DENND1B: variants seen among roughly 807,000 people sequenced by gnomAD.
DENND1B encodes DENN domain-containing protein 1B.
DENND1B carries 59 observed loss-of-function variants against 90.1 expected under a neutral mutation model. That is an observed-to-expected ratio of 0.65 (90% CI 0.53 to 0.81). DENND1B has a LOEUF of 0.81. Ranked by LOEUF, DENND1B falls within the 40% of genes least tolerant of loss-of-function variation. DENND1B has a pLI of 0.00. For missense variants in DENND1B, 862 were observed against 912.6 expected (o/e 0.94, Z 0.71); for synonymous variants, 337 against 324.6 (o/e 1.04, Z -0.41).
chr1:197,617,148 C>T (rs1267332769), intron 11 of DENND1B, among the ~76,000 whole-genome samples: 1 of 150,908 alleles, frequency 6.6e-6, no homozygotes, highest in Non-Finnish European at 1.5e-5. Flanking sequence ...TTGACTTAAA[C>T]AAAAAACAAG....
chr1:197,591,590 T>C (rs931210510), intron 14 of DENND1B, among the ~76,000 whole-genome samples: 3 of 152,172 alleles, frequency 2.0e-5, no homozygotes, highest in Non-Finnish European at 4.4e-5. Flanking sequence ...GCAGTTTGAG[T>C]AGTAGTAGTT....
chr1:197,753,001 A>T (rs140551165), intron 2 of DENND1B, among the ~76,000 whole-genome samples: 2 of 152,096 alleles, frequency 1.3e-5, no homozygotes, highest in East Asian at 3.9e-4. Context: ...TCCATGGTGT[A>T]TATGTGCCAC....
At chr1:197,635,213 T>C (rs1207782481) in intron 10 of DENND1B, among the ~76,000 whole-genome samples, 1 of 152,234 alleles carries the variant, frequency 6.6e-6, no homozygotes. Context: ...ACTTTATATT[T>C]TACACTATAA....
At chr1:197,546,813 A>G (rs1395656848) in intron 16 of DENND1B, 40 bp from the exon 17 acceptor site, 1 of 1,517,412 alleles carries the variant, frequency 6.6e-7, no homozygotes, top group Non-Finnish European at 8.8e-7. Context: ...ATGGTTGATC[A>G]AAAATAAATC....
At chr1:197,702,704 CTAAAACA>C (rs1558421348) in intron 3 of DENND1B, among the ~76,000 whole-genome samples, 4 of 152,128 alleles carry the variant, frequency 2.6e-5, no homozygotes, top group African/African-American at 9.7e-5. Flanking sequence ...TCCTATTTTA[CTAAAACA>C]TAAAAGAGAT....
chr1:197,529,598 C>T (rs1202432657), intron 20 of DENND1B, among the ~76,000 whole-genome samples: 1 of 151,824 alleles, frequency 6.6e-6, no homozygotes, highest in African/African-American at 2.4e-5. Flanking sequence ...CAGAAACATA[C>T]ACATTATAAC....
chr1:197,753,396 G>T (rs1653820422), intron 2 of DENND1B, among the ~76,000 whole-genome samples: 1 of 152,042 alleles, frequency 6.6e-6, no homozygotes, highest in African/African-American at 2.4e-5. Context: ...AGGGTTGGAG[G>T]TAAGAAGGGA....
chr1:197,651,645 CTTTTTTTTTT>C (rs34012616), intron 7 of DENND1B, among the ~76,000 whole-genome samples: 53 of 61,560 alleles, frequency 8.6e-4, no homozygotes, highest in Admixed American at 1.7e-3. Flanking sequence ...ATCAATGCTT[CTTTTTTTTTT>C]TTTTTTTTTT....
At chr1:197,627,365 T>G (rs900836032) in intron 10 of DENND1B, among the ~76,000 whole-genome samples, 4 of 152,200 alleles carry the variant, frequency 2.6e-5, no homozygotes, top group Admixed American at 2.6e-4. Context: ...TATGCCAGGC[T>G]GGTTCAATAC....
intron 7 of DENND1B, among the ~76,000 whole-genome samples, chr1:197,651,949 GCC>G (rs1472052102): frequency 6.6e-6 from 1 of 151,834 alleles, no homozygotes; most frequent in African/African-American, 2.4e-5. Flanking sequence ...GAGCCACCGG[GCC>G]CAGCCAAATC....
At chr1:197,661,130 G>C (rs903878100) in intron 5 of DENND1B, among the ~76,000 whole-genome samples, 9 of 151,982 alleles carry the variant, frequency 5.9e-5, no homozygotes, top group African/African-American at 2.2e-4. Flanking sequence ...ATTACTATTG[G>C]TAATCTCAAT....
At chr1:197,579,503 T>C (rs956020320) in intron 15 of DENND1B, among the ~76,000 whole-genome samples, 8 of 152,144 alleles carry the variant, frequency 5.3e-5, no homozygotes, top group East Asian at 1.9e-4. Context: ...TGTGTGGGCA[T>C]AGATTCTTTC....
chr1:197,549,305 C>T, intron 16 of DENND1B, among the ~76,000 whole-genome samples: 1 of 151,952 alleles, frequency 6.6e-6, no homozygotes, highest in Middle Eastern at 3.2e-3. Flanking sequence ...TCAACAAGGC[C>T]AGAAAAATGC....
chr1:197,546,867 A>T, intron 16 of DENND1B, 94 bp from the exon 17 acceptor site: 1 of 1,079,078 alleles, frequency 9.3e-7, no homozygotes, highest in Non-Finnish European at 1.3e-6. Flanking sequence ...CACAATTTTT[A>T]GTAGGCAAAT....
intron 12 of DENND1B, among the ~76,000 whole-genome samples, chr1:197,611,511 A>G (rs1056488614): frequency 6.6e-6 from 1 of 150,786 alleles, no homozygotes; most frequent in Non-Finnish European, 1.5e-5. Context: ...AAATGTACAC[A>G]CTGATAAATG....
rs2125588651 is a variant in DENND1B, at chr1:197,509,882, G to A, written c.*578C>T. On this transcript the variant is annotated 3_prime_UTR_variant, in exon 23 of 23. Coordinates refer to ENST00000620048, the MANE Select transcript of DENND1B (RefSeq NM_001195215.2). Reference sequence around the variant, plus strand: ...AGCAAATTAAATATTTCCATTAAGAGAGCTTTTTAATCTTGAAAAGATGAA... The same window carrying A: ...AGCAAATTAAATATTTCCATTAAGAAAGCTTTTTAATCTTGAAAAGATGAA... 6.6e-6 allele frequency: 1 copy of A among 152,146 alleles called. No homozygotes were observed. Among genetic ancestry groups the A allele is most frequent in the Admixed American group, 6.6e-5 (1 of 15,226 alleles). 9.4% of individuals were successfully genotyped at this position (152,146 alleles called of 1,614,324 possible). A position where few individuals can be genotyped will look rare whatever the true frequency, so the allele number is the denominator to read the frequency against.
chr1:197,553,080 T>G lies in DENND1B; in HGVS notation c.1182A>C (p.Ala394=). The G allele has an allele frequency of 6.5e-7, 1 of 1,544,800 alleles. No homozygotes were observed. Among genetic ancestry groups the G allele is most frequent in the Non-Finnish European group, 8.7e-7 (1 of 1,152,930 alleles). ...CAAATACATCAGAGAAACCCCTTCC[T>G]GCATTTAGTTTTGCCAGTCGACCAT... ...FIDGRLAKLN[A]GRGFSDVFEE... Residue 394 remains alanine (A), a synonymous_variant, in exon 16 of 23, where the codon GCA becomes GCC. Transcript: ENST00000620048.
At chr1:197,550,456 T>C (rs1252232401) in intron 16 of DENND1B, among the ~76,000 whole-genome samples, 1 of 152,038 alleles carries the variant, frequency 6.6e-6, no homozygotes, top group African/African-American at 2.4e-5. Context: ...ATGTGGCACA[T>C]ATACACCATG....
intron 3 of DENND1B, among the ~76,000 whole-genome samples, chr1:197,702,337 T>A (rs923087097): frequency 1.3e-5 from 2 of 152,164 alleles, no homozygotes; most frequent in Non-Finnish European, 2.9e-5. Flanking sequence ...AAGTACACAT[T>A]TTATTCTACT....
Sources: gnomAD v4.1 joint callset for allele counts (sites outside exome capture counted in the v4.1 genomes callset) on GRCh38, gnomAD v4.1.1 for gene constraint, MANE v1.5 for transcripts, NCBI Gene and HGNC (gene_info 2026-07-23, HGNC 2026-07-21) for gene names.